RNF175: variants seen among roughly 807,000 people sequenced by gnomAD.
The protein encoded by RNF175 is ring finger protein 175.
In RNF175, 38 loss-of-function variants were observed where a neutral mutation model predicts 50.0. The observed-to-expected ratio is 0.76, with a 90% CI of 0.59 to 1.00. The LOEUF is 1.00. Ranked by LOEUF, RNF175 falls within the 50% of genes least tolerant of loss-of-function variation. The pLI is 0.00. For missense variants in RNF175, 388 were observed against 409.6 expected (o/e 0.95, Z 0.46); for synonymous variants, 155 against 146.1 (o/e 1.06, Z -0.44).
chr4:153,737,225 G>A (rs1038077907), intron 3 of RNF175, among the ~76,000 whole-genome samples: 3 of 151,828 alleles, frequency 2.0e-5, no homozygotes, highest in African/African-American at 7.3e-5. Context: ...TCTGGCTAGA[G>A]GTTTATCAGA....
rs769951632 is a variant in RNF175, at chr4:153,728,329, G to A, written c.279C>T (p.Pro93=). Residue 93 remains proline, a synonymous_variant, in exon 4 of 9, where the codon CCC becomes CCT. Transcript: ENST00000347063. ...AGTATAATTTTATCGTGAAATATAA[G>A]GGGACAACCCACATCTGCAACAAGG... ...LVTLLQMWVV[P]LYFTIKLYWW... 6 of 1,613,644 alleles carry A rather than the reference G, an allele frequency of 3.7e-6. No homozygotes were observed. The African/African-American group carries it at 6.7e-5, about 18-fold the overall frequency.
chr4:153,738,995 A>C (rs1739501700), intron 3 of RNF175, among the ~76,000 whole-genome samples: 1 of 152,212 alleles, frequency 6.6e-6, no homozygotes, highest in Non-Finnish European at 1.5e-5. Flanking sequence ...GGTACCTTAT[A>C]ACAGAAATCC....
At chr4:153,718,225 TGTTTG>T (rs750416193) in intron 6 of RNF175, among the ~76,000 whole-genome samples, 14,328 of 94,888 alleles carry the variant, frequency 0.15, 3,087 homozygotes, top group East Asian at 0.23. Flanking sequence ...TTTGTTTGTT[TGTTTG>T]TTTGTTTGTT....
At chr4:153,715,752 G>T in intron 6 of RNF175, 90 bp from the exon 7 acceptor site, 2 of 1,346,708 alleles carry the variant, frequency 1.5e-6, no homozygotes, top group Non-Finnish European at 2.0e-6. Context: ...ACTGGGACAG[G>T]CAGCCCTTGG....
intron 3 of RNF175, among the ~76,000 whole-genome samples, chr4:153,746,209 A>G (rs187917832): frequency 2.9e-4 from 44 of 152,380 alleles, no homozygotes; most frequent in Admixed American, 1.1e-3. Context: ...AAAGGGAGAA[A>G]TAGGCAAGAA....
chr4:153,710,169 A>C lies in RNF175; in HGVS notation c.*200T>G, dbSNP rs974563000. ...AGTTAAGAAACAGCTGTAATGGGAA[A>C]GATGAAAAAACATGCTTTATTTGTT... On this transcript the variant is annotated 3_prime_UTR_variant, in exon 9 of 9. Transcript: ENST00000347063. 2.2e-6 allele frequency: 1 copy of C among 464,234 alleles called. No homozygotes were observed. Among genetic ancestry groups the C allele is most frequent in the African/African-American group, 1.9e-5 (1 of 51,442 alleles). 28.8% of individuals were successfully genotyped at this position (464,234 alleles called of 1,614,324 possible). A position where few individuals can be genotyped will look rare whatever the true frequency, so the allele number is the denominator to read the frequency against.
chr4:153,735,568 T>A (rs1265706437), intron 3 of RNF175, among the ~76,000 whole-genome samples: 1 of 152,214 alleles, frequency 6.6e-6, no homozygotes, highest in African/African-American at 2.4e-5. Flanking sequence ...AGTACCTTGC[T>A]GAGATTTTAG....
Position 153,712,539 on chromosome 4 carries a change from C to A in RNF175, c.802G>T (p.Gly268Trp), listed in dbSNP as rs892779359. The A allele has an allele frequency of 1.1e-5, 18 of 1,613,090 alleles. No individual in the cohort carries two copies. The highest frequency in any genetic ancestry group is 1.4e-5 in the Non-Finnish European group (17 of 1,179,416). ...EFCIRGWCIV[G>W]KKQTCPYCKE... ...CAGTAAGGGCAAGTCTGCTTTTTCC[C>A]AACGATACACCAACCTCGGATGCAG... is the stretch of plus-strand genomic sequence containing the variant. Residue 268 changes from glycine (G) to tryptophan (W), a missense_variant, in exon 8 of 9, where the codon GGG becomes TGG. Coordinates refer to ENST00000347063, the MANE Select transcript of RNF175 (RefSeq NM_173662.4).
chr4:153,749,185 C>T (rs1740157419), intron 2 of RNF175, among the ~76,000 whole-genome samples: 7 of 152,246 alleles, frequency 4.6e-5, no homozygotes. Context: ...GTCATTTATC[C>T]TCTCTGAGCC....
At chr4:153,746,922 GA>G (rs1740006237) in intron 3 of RNF175, among the ~76,000 whole-genome samples, 1 of 152,228 alleles carries the variant, frequency 6.6e-6, no homozygotes, top group African/African-American at 2.4e-5. Flanking sequence ...GTACCTTCCA[GA>G]GCCACAGGTT....
At chr4:153,733,581 C>T (rs1284006813) in intron 3 of RNF175, among the ~76,000 whole-genome samples, 1 of 152,198 alleles carries the variant, frequency 6.6e-6, no homozygotes. Context: ...CTTACAGACT[C>T]TGCTCATTTC....
At chr4:153,731,468 A>T (rs897161668) in intron 3 of RNF175, among the ~76,000 whole-genome samples, 1 of 152,186 alleles carries the variant, frequency 6.6e-6, no homozygotes, top group Non-Finnish European at 1.5e-5. Flanking sequence ...CTCCCCAACC[A>T]CATATCATAG....
At chr4:153,750,657 T>TAAAC (rs57273214) in intron 2 of RNF175, among the ~76,000 whole-genome samples, 13 of 151,298 alleles carry the variant, frequency 8.6e-5, no homozygotes, top group African/African-American at 2.2e-4. Context: ...GAAGCTCATT[T>TAAAC]AAACAAACAA....
intron 3 of RNF175, chr4:153,729,642 A>G (rs1738919827): frequency 4.1e-6 from 4 of 981,554 alleles, no homozygotes; most frequent in South Asian, 4.7e-5. Context: ...TCTTCTTTCA[A>G]TGTCAGATAA....
chr4:153,729,840 C>T, intron 3 of RNF175: 3 of 983,212 alleles, frequency 3.1e-6, no homozygotes, highest in Non-Finnish European at 3.6e-6. Context: ...GGGAACAAAT[C>T]CTATAACTTC....
At chr4:153,755,438 G>A (rs960372568) in intron 1 of RNF175, among the ~76,000 whole-genome samples, 2 of 152,158 alleles carry the variant, frequency 1.3e-5, no homozygotes, top group African/African-American at 2.4e-5. Flanking sequence ...AAAGAGTTCT[G>A]CACCCATAAT....
At chr4:153,746,034 T>C (rs1028176707) in intron 3 of RNF175, among the ~76,000 whole-genome samples, 5 of 152,252 alleles carry the variant, frequency 3.3e-5, no homozygotes, top group African/African-American at 1.2e-4. Context: ...TCTTAACTTG[T>C]TCTGGTAAAA....
rs758683757 is a variant in RNF175 at position 153,715,668 on chromosome 4, A to G, written c.631-6T>C. 5 of 1,613,060 alleles carry G rather than the reference A, an allele frequency of 3.1e-6. No individual in the cohort carries two copies. In the East Asian group the frequency reaches 8.9e-5, roughly 29 times the overall value. ...AACCGGCTGACACTGTAGAACTATC[A>G]GAGGAAATGGACAGAGCACAGTCAG... is the stretch of plus-strand genomic sequence containing the variant. On this transcript the variant is annotated splice_region_variant and splice_polypyrimidine_tract_variant and intron_variant, in intron 6 of 8. Coordinates refer to ENST00000347063, the MANE Select transcript of RNF175 (RefSeq NM_173662.4).
chr4:153,720,603 G>A lies in RNF175; in HGVS notation c.510-299C>T, dbSNP rs537060910. On this transcript the variant is annotated intron_variant, in intron 5 of 8. Transcript: ENST00000347063. ...CCAGTGGTTTCAGGCTCAGCTATAC[G>A]TAGGCCTCAGCAGCTTGTAACAGTT... 7.2e-5 allele frequency: 21 copies of A among 290,778 alleles called. 1 individual carries two copies. The highest frequency in any genetic ancestry group is 2.4e-4 in the South Asian group (6 of 25,452). The allele number at this position is 290,778 out of a possible 1,614,324, so 18.0% of individuals were successfully genotyped here. A position where few individuals can be genotyped will look rare whatever the true frequency, so the allele number is the denominator to read the frequency against.
Sources: allele counts gnomAD v4.1 joint callset (sites outside exome capture counted in the v4.1 genomes callset), GRCh38; gene constraint gnomAD v4.1.1; transcripts MANE v1.5; gene names NCBI Gene and HGNC (gene_info 2026-07-23, HGNC 2026-07-21).